Variants in OTUD7A observed in about 807,000 individuals in gnomAD.
OTUD7A encodes OTU domain-containing protein 7A.
A neutral mutation model predicts 65.7 loss-of-function variants in OTUD7A; 12 were observed. The observed-to-expected ratio is 0.18, with a 90% CI of 0.12 to 0.30. The LOEUF (loss-of-function observed/expected upper bound fraction) is 0.30. Among genes scored for constraint, OTUD7A ranks in the 10% least tolerant of loss-of-function variants. The pLI, the probability that OTUD7A is intolerant of heterozygous loss-of-function variation, is 1.00. For missense variants in OTUD7A, 1,148 were observed against 1,304.8 expected (o/e 0.88, Z 1.85); for synonymous variants, 641 against 586.3 (o/e 1.09, Z -1.35).
At chr15:31,623,708 C>G (rs1289081074) in intron 3 of OTUD7A, among the ~76,000 whole-genome samples, 1 of 152,248 alleles carries the variant, frequency 6.6e-6, no homozygotes, top group Non-Finnish European at 1.5e-5. Context: ...ACCCCTTGCA[C>G]TTCCCGGGTG....
chr15:31,821,227 C>T (rs1391403847), intron 1 of OTUD7A, among the ~76,000 whole-genome samples: 4 of 149,950 alleles, frequency 2.7e-5, no homozygotes, highest in Non-Finnish European at 5.9e-5. Context: ...CCTCCACCTC[C>T]CGGGTTCAAG....
chr15:31,690,386 GA>G (rs1892935339), intron 1 of OTUD7A, among the ~76,000 whole-genome samples: 1 of 151,868 alleles, frequency 6.6e-6, no homozygotes, highest in East Asian at 1.9e-4. Context: ...CTTTCAAAAT[GA>G]TTTTGTAGGC....
chr15:31,838,926 G>C (rs1050534527), intron 1 of OTUD7A, among the ~76,000 whole-genome samples: 15 of 152,228 alleles, frequency 9.9e-5, no homozygotes, highest in Non-Finnish European at 1.5e-4. Flanking sequence ...GTTGGGTCAT[G>C]ACTGAGCCCT....
chr15:31,508,405 G>GTA (rs1434464867), intron 8 of OTUD7A, among the ~76,000 whole-genome samples: 1 of 65,368 alleles, frequency 1.5e-5, no homozygotes, highest in African/African-American at 9.4e-5. Context: ...CTGGAGTGCA[G>GTA]TGGCGCCGAT....
chr15:31,768,344 A>T (rs1265780866), intron 1 of OTUD7A: 2 of 593,266 alleles, frequency 3.4e-6, no homozygotes, highest in Non-Finnish European at 3.0e-6. Context: ...TTGGCCTCAC[A>T]ATTTCTATAC....
intron 1 of OTUD7A, among the ~76,000 whole-genome samples, chr15:31,808,792 A>G (rs538591184): frequency 1.3e-5 from 2 of 152,332 alleles, no homozygotes; most frequent in African/African-American, 4.8e-5. Flanking sequence ...CTGCAGAGCC[A>G]AAGTGTGGAC....
At chr15:31,565,681 AG>A (rs1367259446) in intron 4 of OTUD7A, among the ~76,000 whole-genome samples, 1 of 152,160 alleles carries the variant, frequency 6.6e-6, no homozygotes, top group African/African-American at 2.4e-5. Flanking sequence ...CAAGTGTAAC[AG>A]GGGGGCAGCC....
At chr15:31,768,326 T>G (rs911130491) in intron 1 of OTUD7A, 32 of 609,356 alleles carry the variant, frequency 5.3e-5, no homozygotes, top group Non-Finnish European at 9.4e-5. Flanking sequence ...CATAGAGGGC[T>G]GCGTGGATTG....
Position 31,755,060 on chromosome 15 carries a change from C to CGTGTGT in OTUD7A, c.-99-97989_-99-97984dup, listed in dbSNP as rs71424619. Among the ~76,000 whole-genome samples the CGTGTGT allele has an allele frequency of 5.5e-5, 8 of 146,392 alleles. No homozygotes were observed. The East Asian group carries it at 8.0e-4, about 15-fold the overall frequency. ...GATTATGTGTGTGTTCCTCTGTGTT[C>CGTGTGT]GTGTGTGTGTGTGTGTGTGTGAAAG... On this transcript the variant is annotated intron_variant, in intron 1 of 12. Transcript: ENST00000307050.
chr15:31,636,314 G>T (rs1201084925), intron 3 of OTUD7A, among the ~76,000 whole-genome samples: 1 of 152,164 alleles, frequency 6.6e-6, no homozygotes, highest in African/African-American at 2.4e-5. Context: ...CTGTTATAGT[G>T]ATCTGTGCTC....
chr15:31,772,752 T>C (rs961129740), intron 1 of OTUD7A, among the ~76,000 whole-genome samples: 2 of 152,248 alleles, frequency 1.3e-5, no homozygotes, highest in African/African-American at 2.4e-5. Flanking sequence ...TTTATGTATA[T>C]TAAACATATA....
intron 3 of OTUD7A, among the ~76,000 whole-genome samples, chr15:31,579,316 T>C (rs1889300973): frequency 6.6e-6 from 1 of 152,218 alleles, no homozygotes; most frequent in South Asian, 2.1e-4. Flanking sequence ...ACCTTTTCAC[T>C]TAAAGGAAGC....
chr15:31,770,762 AATG>A (rs1595757710), intron 1 of OTUD7A, among the ~76,000 whole-genome samples: 1 of 152,374 alleles, frequency 6.6e-6, no homozygotes, highest in East Asian at 1.9e-4. Context: ...ATTAGAAAAT[AATG>A]ATATTATGTT....
Position 31,735,294 on chromosome 15 carries a change from C to T in OTUD7A, c.-99-78217G>A, listed in dbSNP as rs137916990. Among the ~76,000 whole-genome samples the T allele has an allele frequency of 8.2e-3, 1,251 of 152,078 alleles. 18 individuals carry two copies. Among genetic ancestry groups the T allele is most frequent in the African/African-American group, 0.029 (1,193 of 41,516 alleles). ...ATCCTAGCACTTGGGGAGGCCAAGGCGGGGGTGGATCACCTGAGGTCAGGG... is the reference window on the plus strand; with the variant it reads ...ATCCTAGCACTTGGGGAGGCCAAGGTGGGGGTGGATCACCTGAGGTCAGGG... On this transcript the variant is annotated intron_variant, in intron 1 of 12. Transcript: ENST00000307050.
chr15:31,851,297 G>T (rs1289526189), intron 1 of OTUD7A, among the ~76,000 whole-genome samples: 1 of 152,174 alleles, frequency 6.6e-6, no homozygotes, highest in South Asian at 2.1e-4. Context: ...TAATGTGAGA[G>T]AATGGCTAAG....
intron 1 of OTUD7A, among the ~76,000 whole-genome samples, chr15:31,686,259 C>G (rs1892834178): frequency 6.6e-6 from 1 of 152,260 alleles, no homozygotes; most frequent in Admixed American, 6.5e-5. Context: ...GAGTGGGCCT[C>G]TCTGCAGGGG....
chr15:31,680,596 G>A (rs1332826267), intron 1 of OTUD7A, among the ~76,000 whole-genome samples: 1 of 152,124 alleles, frequency 6.6e-6, no homozygotes, highest in Non-Finnish European at 1.5e-5. Context: ...ACCCGGGAGG[G>A]AAGGAGCAGG....
intron 10 of OTUD7A, among the ~76,000 whole-genome samples, chr15:31,497,231 T>C (rs78142166): frequency 6.6e-6 from 1 of 151,556 alleles, no homozygotes; most frequent in Non-Finnish European, 1.5e-5. Context: ...GAAAAACTAT[T>C]TAAATAATTG....
rs1434060443 is a variant in OTUD7A, at chr15:31,475,849, A to C, written c.*7445T>G. ...CACAGTAATCAAAGAAAATGGGAGAAATAAAGCAACATATATCATCCAAAA... is the reference window on the plus strand; with the variant it reads ...CACAGTAATCAAAGAAAATGGGAGACATAAAGCAACATATATCATCCAAAA... On this transcript the variant is annotated 3_prime_UTR_variant, in exon 13 of 13. Coordinates refer to ENST00000307050, the MANE Select transcript of OTUD7A (RefSeq NM_001382637.1). The C allele has an allele frequency of 1.3e-5, 2 of 152,268 alleles. No individual in the cohort carries two copies. The highest frequency in any genetic ancestry group is 2.9e-5 in the Non-Finnish European group (2 of 68,054). The allele number at this position is 152,268 out of a possible 1,614,324, so 9.4% of individuals were successfully genotyped here.
Sources: gnomAD v4.1 joint callset for allele counts (sites outside exome capture counted in the v4.1 genomes callset) on GRCh38, gnomAD v4.1.1 for gene constraint, MANE v1.5 for transcripts, NCBI Gene and HGNC (gene_info 2026-07-23, HGNC 2026-07-21) for gene names.